Variants in IL12RB2 observed in about 807,000 individuals in gnomAD.
The protein encoded by IL12RB2 is interleukin-12 receptor subunit beta-2.
In IL12RB2, 82 loss-of-function variants were observed where a neutral mutation model predicts 89.4. The ratio of observed to expected loss-of-function variants is 0.92; its 90% CI spans 0.77 to 1.10. IL12RB2 has a LOEUF of 1.10. Among genes scored for constraint, IL12RB2 ranks in the 50% least tolerant of loss-of-function variants. The pLI, the probability that IL12RB2 is intolerant of heterozygous loss-of-function variation, is 0.00. For synonymous variants in IL12RB2, 368 were observed against 370.1 expected, an observed-to-expected ratio of 0.99 and a Z score of 0.07; for missense variants, 963 against 1,031.9, an observed-to-expected ratio of 0.93 and a Z score of 0.92.
At chr1:67,359,494 G>A (rs1661742762) in intron 10 of IL12RB2, among the ~76,000 whole-genome samples, 1 of 152,114 alleles carries the variant, frequency 6.6e-6, no homozygotes, top group African/African-American at 2.4e-5. Flanking sequence ...GGCTGAGTCG[G>A]GTGGATCACT....
intron 10 of IL12RB2, among the ~76,000 whole-genome samples, chr1:67,354,477 T>C (rs796184779): frequency 7.9e-5 from 12 of 152,236 alleles, no homozygotes; most frequent in African/African-American, 2.4e-4. Context: ...CCATTGATCA[T>C]AGAATGCTAA....
rs1403711587 is a variant in IL12RB2, at chr1:67,317,762, AAT to A, written c.-36-2569_-36-2568del. On this transcript the variant is annotated intron_variant, in intron 2 of 16. Coordinates refer to ENST00000674203, the MANE Select transcript of IL12RB2 (RefSeq NM_001374259.2). The stretch of plus-strand genomic sequence containing the variant: ...TTTCCCTCCTTCGCATCTTTCTTTC[AAT>A]AGACATTTGTTGAGTACTTACTGTT... 6.6e-5 allele frequency among the ~76,000 whole-genome samples: 10 copies of A among 152,252 alleles called. 1 individual carries two copies. The Middle Eastern group carries it at 0.01, about 155-fold the overall frequency.
chr1:67,382,847 A>G (rs1664753313), intron 14 of IL12RB2, among the ~76,000 whole-genome samples: 1 of 152,038 alleles, frequency 6.6e-6, no homozygotes, highest in African/African-American at 2.4e-5. Flanking sequence ...TTGAGACTAT[A>G]GGCTCCTGCC....
At position 67,308,743 on chromosome 1, in the gene IL12RB2, G is replaced by C. The variant is rs114471572; in HGVS notation, c.-125+776G>C. On this transcript the variant is annotated intron_variant, in intron 1 of 16. Transcript: ENST00000674203. ...AGACCTTGTCTAAGAACAGGGTCCC[G>C]GCACGGTGGCTCACGCCTGTAATCC... 2.6e-3 allele frequency among the ~76,000 whole-genome samples: 399 copies of C among 152,280 alleles called. 1 individual carries two copies. The highest frequency in any genetic ancestry group is 9.3e-3 in the African/African-American group (386 of 41,548).
rs1279762017 is a variant in IL12RB2, at chr1:67,395,481, T to C, written c.2047-66T>C. 12 of 1,613,234 alleles carry C rather than the reference T, an allele frequency of 7.4e-6. No homozygotes were observed. The East Asian group carries it at 2.7e-4, about 36-fold the overall frequency. Reference sequence around the variant, plus strand: ...CAGGTTGTGAGGCCTTTGGGAACCCTGGAGAAATAGGTTGTGAAGGTCACT... The same window carrying C: ...CAGGTTGTGAGGCCTTTGGGAACCCCGGAGAAATAGGTTGTGAAGGTCACT... On this transcript the variant is annotated intron_variant, in intron 16 of 16. Transcript: ENST00000674203.
intron 6 of IL12RB2, among the ~76,000 whole-genome samples, chr1:67,329,062 T>C (rs192914916): frequency 6.6e-4 from 101 of 152,340 alleles, no homozygotes; most frequent in Admixed American, 7.2e-4. Context: ...ACGATGAGTC[T>C]GATCATTGGC....
intron 11 of IL12RB2, among the ~76,000 whole-genome samples, chr1:67,368,428 T>A (rs1458902996): frequency 6.6e-6 from 1 of 152,160 alleles, no homozygotes; most frequent in East Asian, 1.9e-4. Flanking sequence ...AAAGCAATCA[T>A]GTTCAGTAAG....
At chr1:67,360,269 C>A (rs1232198191) in intron 10 of IL12RB2, among the ~76,000 whole-genome samples, 1 of 151,486 alleles carries the variant, frequency 6.6e-6, no homozygotes. Context: ...CGTGGTAGTG[C>A]GTGCCTGTGA....
rs953970837 is a variant in IL12RB2 at position 67,384,765 on chromosome 1, C to T, written c.1856-1814C>T. On this transcript the variant is annotated intron_variant, in intron 14 of 16. Transcript: ENST00000674203. ...GTTCCAAAGATCTCTGGGGCAGGTA[C>T]AAAATGCCACCAGTCTGTTTGCATA... Among the ~76,000 whole-genome samples, 6 of 152,282 alleles carry T rather than the reference C, an allele frequency of 3.9e-5. No homozygotes were observed. In the East Asian group the frequency reaches 1.2e-3, roughly 29 times the overall value.
At position 67,380,141 on chromosome 1, in the gene IL12RB2, GGAT is replaced by G; in HGVS notation, c.1855+24_1855+26del. 1.9e-6 allele frequency: 3 copies of G among 1,613,774 alleles called. No individual in the cohort carries two copies. The highest frequency in any genetic ancestry group is 2.5e-6 in the Non-Finnish European group (3 of 1,179,660). On this transcript the variant is annotated intron_variant, in intron 14 of 16. Coordinates refer to ENST00000674203, the MANE Select transcript of IL12RB2 (RefSeq NM_001374259.2). ...TCTGCAAGGTGAGAGGCAGTGTTAA[GGAT>G]GATGAGTCCACCCTGGATTCTTGCA...
In IL12RB2 at chr1:67,328,410, G is replaced by T. The variant is rs765288852; in HGVS notation, c.664+26G>T. The stretch of plus-strand genomic sequence containing the variant: ...GTACATTTTATTTCACTGTTTCATT[G>T]GTACTTTATAATTATTTTTAAAATC... On this transcript the variant is annotated intron_variant, in intron 6 of 16. Coordinates refer to ENST00000674203, the MANE Select transcript of IL12RB2 (RefSeq NM_001374259.2). The T allele has an allele frequency of 1.4e-5, 22 of 1,612,892 alleles. No individual in the cohort carries two copies. The South Asian group carries it at 2.4e-4, about 18-fold the overall frequency.
At chr1:67,333,945 T>C (rs745814704) in intron 8 of IL12RB2, among the ~76,000 whole-genome samples, 10 of 152,228 alleles carry the variant, frequency 6.6e-5, no homozygotes, top group Non-Finnish European at 1.2e-4. Context: ...AAAAGTCTTA[T>C]TTGCAGTTTG....
At chr1:67,318,014 G>C (rs1312620131) in intron 2 of IL12RB2, among the ~76,000 whole-genome samples, 2 of 152,192 alleles carry the variant, frequency 1.3e-5, no homozygotes, top group Non-Finnish European at 2.9e-5. Context: ...TAGAGACAGT[G>C]GTCAGGGAGG....
chr1:67,393,475 A>G (rs1176910431), intron 16 of IL12RB2, among the ~76,000 whole-genome samples: 1 of 152,148 alleles, frequency 6.6e-6, no homozygotes, highest in East Asian at 1.9e-4. Context: ...ACAGGGTGTA[A>G]TCTTTCCCAC....
At position 67,396,119 on chromosome 1, in the gene IL12RB2, G is replaced by A. The variant is rs773690793; in HGVS notation, c.*30G>A. On this transcript the variant is annotated 3_prime_UTR_variant, in exon 17 of 17. Transcript: ENST00000674203. Reference sequence around the variant, plus strand: ...TGAGGCTTCAAGCCTTAAAGTCAGTGTGCCCTCAACCAGCACAGCCTGCCC... The same window carrying A: ...TGAGGCTTCAAGCCTTAAAGTCAGTATGCCCTCAACCAGCACAGCCTGCCC... The A allele has an allele frequency of 7.3e-7, 1 of 1,368,864 alleles. No homozygotes were observed. Among genetic ancestry groups the A allele is most frequent in the Admixed American group, 1.7e-5 (1 of 59,758 alleles). 84.8% of individuals were successfully genotyped at this position (1,368,864 alleles called of 1,614,324 possible). A position where few individuals can be genotyped will look rare whatever the true frequency, so the allele number is the denominator to read the frequency against.
chr1:67,380,180 C>T (rs1026383567), intron 14 of IL12RB2, 57 bp downstream of exon 14: 6 of 1,552,126 alleles, frequency 3.9e-6, no homozygotes, highest in African/African-American at 1.4e-5. Flanking sequence ...CAGGCATGCA[C>T]TCCTATTACA....
intron 5 of IL12RB2, among the ~76,000 whole-genome samples, chr1:67,327,512 G>T (rs926318022): frequency 7.9e-5 from 12 of 152,048 alleles, no homozygotes; most frequent in Admixed American, 7.9e-4. Context: ...GCAGCTGTAG[G>T]CTCTTGGGGT....
chr1:67,317,118 A>G (rs1655877454), intron 2 of IL12RB2, among the ~76,000 whole-genome samples: 1 of 152,206 alleles, frequency 6.6e-6, no homozygotes, highest in African/African-American at 2.4e-5. Flanking sequence ...AGAGAATAGC[A>G]TGAAGGGAAG....
At chr1:67,341,501 A>AAGAAAGAAAGAGAAAAAGAAAG (rs1366605402) in intron 9 of IL12RB2, among the ~76,000 whole-genome samples, 5 of 133,170 alleles carry the variant, frequency 3.8e-5, no homozygotes, top group African/African-American at 1.4e-4. Context: ...GAGAAAGAGA[A>AAGAAAGAAAGAGAAAAAGAAAG]AGAAGAAAGA....
Sources: allele counts gnomAD v4.1 joint callset (sites outside exome capture counted in the v4.1 genomes callset), GRCh38; gene constraint gnomAD v4.1.1; transcripts MANE v1.5; gene names NCBI Gene and HGNC (gene_info 2026-07-23, HGNC 2026-07-21).